ZFPM1: variants seen among roughly 807,000 people sequenced by gnomAD.
ZFPM1 encodes zinc finger protein, FOG family member 1.
Under a neutral mutation model 46.3 loss-of-function variants are expected in ZFPM1, and 28 were observed. That is an observed-to-expected ratio of 0.60 (90% CI 0.45 to 0.83). ZFPM1 has a LOEUF of 0.83. ZFPM1 is among the 40% of genes least tolerant of loss of function. ZFPM1 has a pLI of 0.00. For synonymous variants in ZFPM1, 957 were observed against 675.9 expected, an observed-to-expected ratio of 1.42 and a Z score of -6.45; for missense variants, 1,878 against 1,432.4, an observed-to-expected ratio of 1.31 and a Z score of -5.02.
chr16:88,489,976 G>A (rs559881617), intron 3 of ZFPM1, among the ~76,000 whole-genome samples: 1 of 151,962 alleles, frequency 6.6e-6, no homozygotes, highest in Non-Finnish European at 1.5e-5. Context: ...GGGTCGCAAG[G>A]TCCCCCGTGG....
intron 3 of ZFPM1, among the ~76,000 whole-genome samples, chr16:88,509,333 G>A (rs1010805221): frequency 4.6e-5 from 7 of 152,268 alleles, no homozygotes; most frequent in Admixed American, 1.3e-4. Flanking sequence ...GGGGCCGGGC[G>A]GAGCGATGGG....
intron 3 of ZFPM1, among the ~76,000 whole-genome samples, chr16:88,491,268 C>T (rs1189985478): frequency 2.6e-5 from 4 of 152,170 alleles, no homozygotes; most frequent in Non-Finnish European, 5.9e-5. Flanking sequence ...GGGAGGGCGC[C>T]CACAGGCCCC....
At chr16:88,484,652 G>A (rs779319827) in intron 1 of ZFPM1, among the ~76,000 whole-genome samples, 1 of 152,210 alleles carries the variant, frequency 6.6e-6, no homozygotes, top group Non-Finnish European at 1.5e-5. Context: ...TGGAGTATGG[G>A]TGCAGAGGGG....
chr16:88,533,419 G>A lies in ZFPM1; in HGVS notation c.1461G>A (p.Ser487=). ...GPGEPGPQAP[S]RTPSPRSPAP... ...GAGAGCCTGGGCCCCAGGCCCCGTC[G>A]CGGACGCCGTCGCCGCGCAGCCCCG... is the stretch of plus-strand genomic sequence containing the variant. Residue 487 remains serine (S), a synonymous_variant, in exon 10 of 10, where the codon TCG becomes TCA. Coordinates refer to ENST00000319555, the MANE Select transcript of ZFPM1 (RefSeq NM_153813.3). The A allele has an allele frequency of 4.7e-6, 7 of 1,485,690 alleles. No individual in the cohort carries two copies. The highest frequency in any genetic ancestry group is 6.2e-6 in the Non-Finnish European group (7 of 1,127,798). The allele number at this position is 1,485,690 out of a possible 1,614,324, so 92.0% of individuals were successfully genotyped here.
chr16:88,467,592 A>G (rs915754943), intron 1 of ZFPM1, among the ~76,000 whole-genome samples: 1 of 152,216 alleles, frequency 6.6e-6, no homozygotes, highest in Non-Finnish European at 1.5e-5. Context: ...GCACATGCGC[A>G]GCTGCTCCTG....
In ZFPM1 at chr16:88,533,542, G is replaced by T; in HGVS notation, c.1584G>T (p.Gln528His). 6.8e-7 allele frequency: 1 copy of T among 1,470,608 alleles called. No homozygotes were observed. 91.1% of individuals were successfully genotyped at this position (1,470,608 alleles called of 1,614,324 possible). A position where few individuals can be genotyped will look rare whatever the true frequency, so the allele number is the denominator to read the frequency against. The part of the protein sequence containing the change: ...LGLAGALFLP[Q>H]YVFGPDAAPP... ...TGGCCGGGGCCCTGTTCCTTCCGCAGTACGTGTTCGGGCCCGACGCGGCGC... is the reference window on the plus strand; with the variant it reads ...TGGCCGGGGCCCTGTTCCTTCCGCATTACGTGTTCGGGCCCGACGCGGCGC... The change falls in exon 10 of 10, where the codon CAG (glutamine) becomes CAT (histidine). Residue 528 changes from glutamine to histidine, a missense_variant. Coordinates refer to ENST00000319555, the MANE Select transcript of ZFPM1 (RefSeq NM_153813.3).
chr16:88,500,232 G>A (rs762475054), intron 3 of ZFPM1, among the ~76,000 whole-genome samples: 1 of 152,160 alleles, frequency 6.6e-6, no homozygotes, highest in Admixed American at 6.5e-5. Flanking sequence ...CGAGCCCCTG[G>A]AGCCCCGGCT....
rs989996730 is a variant in ZFPM1, at chr16:88,469,140, A to C, written c.40+15462A>C. Reference sequence around the variant, plus strand: ...TGGGGCCAGCCAGCCTCCCACCCCCATGTCTGGGCCCACTCCAGACCCTCC... The same window carrying C: ...TGGGGCCAGCCAGCCTCCCACCCCCCTGTCTGGGCCCACTCCAGACCCTCC... On this transcript the variant is annotated intron_variant, in intron 1 of 9. Coordinates refer to ENST00000319555, the MANE Select transcript of ZFPM1 (RefSeq NM_153813.3). The surrounding 1 kb of genome is among the most constrained non-coding windows in gnomAD (Gnocchi z 4.3). 6.5e-6 allele frequency: 1 copy of C among 153,008 alleles called. No homozygotes were observed. The highest frequency in any genetic ancestry group is 1.5e-5 in the Non-Finnish European group (1 of 67,934). 9.5% of individuals were successfully genotyped at this position (153,008 alleles called of 1,614,324 possible).
Position 88,532,844 on chromosome 16 carries a change from C to G in ZFPM1, c.1098C>G (p.His366Gln), listed in dbSNP as rs760456982. 1.3e-5 allele frequency: 21 copies of G among 1,613,510 alleles called. No homozygotes were observed. Among genetic ancestry groups the G allele is most frequent in the Non-Finnish European group, 1.8e-5 (21 of 1,179,978 alleles). Residue 366 changes from histidine (H) to glutamine (Q), a missense_variant, in exon 9 of 10, where the codon CAC (histidine) becomes CAG (glutamine). By Grantham distance (24) the His-to-Gln change is conservative. Transcript: ENST00000319555. Reference protein sequence around the residue: ...ISTTRDILYSHLVTNHMVCQP... With the variant: ...ISTTRDILYSQLVTNHMVCQP... ...CCACAAGGGACATCCTCTACAGCCA[C>G]TTGGTCACCAACCACATGGTCTGCC...
intron 1 of ZFPM1, among the ~76,000 whole-genome samples, chr16:88,456,637 C>T (rs1567523790): frequency 3.9e-5 from 6 of 152,182 alleles, no homozygotes; most frequent in Admixed American, 3.9e-4. Context: ...CACAGTAGGG[C>T]TGGCCTCAGT....
rs762486379 is a variant in ZFPM1 at position 88,534,122 on chromosome 16, G to A, written c.2164G>A (p.Gly722Arg). Residue 722 changes from glycine to arginine, a missense_variant, in exon 10 of 10, where the codon GGA becomes AGA. Coordinates refer to ENST00000319555, the MANE Select transcript of ZFPM1 (RefSeq NM_153813.3). ...PPPRRPAAPP[G>R]PPGPAAPPAP... The stretch of plus-strand genomic sequence containing the variant: ...GCCGCGCCGACCGGCCGCGCCCCCG[G>A]GACCCCCTGGGCCGGCCGCGCCCCC... 1.0e-5 allele frequency: 11 copies of A among 1,100,452 alleles called. 1 individual carries two copies. The East Asian group carries it at 5.9e-4, about 59-fold the overall frequency. The allele number at this position is 1,100,452 out of a possible 1,614,324, so 68.2% of individuals were successfully genotyped here. A position where few individuals can be genotyped will look rare whatever the true frequency, so the allele number is the denominator to read the frequency against.
At chr16:88,517,187 T>C (rs892725139) in intron 4 of ZFPM1, among the ~76,000 whole-genome samples, 32 of 89,370 alleles carry the variant, frequency 3.6e-4, no homozygotes, top group African/African-American at 1.3e-3. Flanking sequence ...GGTAGATGGA[T>C]GGATGGATGG....
intron 4 of ZFPM1, among the ~76,000 whole-genome samples, chr16:88,526,270 G>A (rs1912311374): frequency 6.6e-6 from 1 of 152,226 alleles, no homozygotes; most frequent in South Asian, 2.1e-4. Context: ...GGACACTGAG[G>A]CCCGAGGGTT....
chr16:88,501,589 T>TGATGGAGATAGCGGTCATGGATGCGG (rs1567541544), intron 3 of ZFPM1, among the ~76,000 whole-genome samples: 2 of 62,564 alleles, frequency 3.2e-5, no homozygotes, highest in Non-Finnish European at 6.2e-5. Context: ...TGTGGGTGCA[T>TGATGGAGATAGCGGTCATGGATGCGG]GGGCTCTCCC....
chr16:88,455,658 C>A (rs1232640646), intron 1 of ZFPM1, among the ~76,000 whole-genome samples: 1 of 152,064 alleles, frequency 6.6e-6, no homozygotes, highest in African/African-American at 2.4e-5. Context: ...AAAGCCCTGG[C>A]GCAGCTGCCC....
chr16:88,473,344 A>G (rs756997666), intron 1 of ZFPM1, among the ~76,000 whole-genome samples: 45 of 150,462 alleles, frequency 3.0e-4, no homozygotes, highest in Non-Finnish European at 1.2e-4. Flanking sequence ...TGGGCTTGTG[A>G]GCTCACCCAC....
At chr16:88,458,897 T>C (rs7191236) in intron 1 of ZFPM1, among the ~76,000 whole-genome samples, 74,526 of 151,972 alleles carry the variant, frequency 0.49, 18,898 homozygotes, top group African/African-American at 0.62. Context: ...ATCTGCGCCC[T>C]GCCTGGTGAG....
chr16:88,469,181 A>G lies in ZFPM1; in HGVS notation c.40+15503A>G, dbSNP rs1597232049. ...CAGACCCTCCTGCAGGCTGCCCCCCACCGCTCCACCCTCTCCCCGCGCTGA... is the reference window on the plus strand; with the variant it reads ...CAGACCCTCCTGCAGGCTGCCCCCCGCCGCTCCACCCTCTCCCCGCGCTGA... On this transcript the variant is annotated intron_variant, in intron 1 of 9. Coordinates refer to ENST00000319555, the MANE Select transcript of ZFPM1 (RefSeq NM_153813.3). The surrounding 1 kb of genome is among the most constrained non-coding windows in gnomAD (Gnocchi z 4.3). 6.6e-6 allele frequency: 1 copy of G among 152,408 alleles called. No individual in the cohort carries two copies. The highest frequency in any genetic ancestry group is 1.5e-5 in the Non-Finnish European group (1 of 67,996). The allele number at this position is 152,408 out of a possible 1,614,324, so 9.4% of individuals were successfully genotyped here. A position where few individuals can be genotyped will look rare whatever the true frequency, so the allele number is the denominator to read the frequency against.
Position 88,489,111 on chromosome 16 carries a change from A to C in ZFPM1, c.226A>C (p.Arg76=), listed in dbSNP as rs758063355. The change falls in exon 3 of 10, where the codon AGG becomes CGG. Residue 76 remains arginine, a synonymous_variant. Transcript: ENST00000319555. ...KELEGQEPEP[R]PTEEEPGSPW... Reference sequence around the variant, plus strand: ...GCTGGAAGGACAGGAACCAGAACCCAGGCCCACGGAGGAAGAGCCGGGCAG... The same window carrying C: ...GCTGGAAGGACAGGAACCAGAACCCCGGCCCACGGAGGAAGAGCCGGGCAG... 5.6e-6 allele frequency: 9 copies of C among 1,611,852 alleles called. No homozygotes were observed. The highest frequency in any genetic ancestry group is 6.8e-6 in the Non-Finnish European group (8 of 1,179,378).
Sources: allele counts gnomAD v4.1 joint callset (sites outside exome capture counted in the v4.1 genomes callset), GRCh38; gene constraint gnomAD v4.1.1; non-coding constraint Gnocchi (gnomAD v3.1); transcripts MANE v1.5; gene names NCBI Gene and HGNC (gene_info 2026-07-23, HGNC 2026-07-21).